RSPH14: variants seen among roughly 807,000 people sequenced by gnomAD.
RSPH14 encodes radial spoke head 14 homolog.
Under a neutral mutation model 26.7 loss-of-function variants are expected in RSPH14, and 20 were observed. That is an observed-to-expected ratio of 0.75 (90% CI 0.53 to 1.09). The LOEUF (loss-of-function observed/expected upper bound fraction) is 1.09, where lower values mean the gene tolerates loss of function less well. Ranked by LOEUF, RSPH14 falls within the 50% of genes least tolerant of loss-of-function variation. RSPH14 has a pLI of 0.00. For synonymous variants in RSPH14, 177 were observed against 189.3 expected, an observed-to-expected ratio of 0.93 and a Z score of 0.53; for missense variants, 449 against 457.2, an observed-to-expected ratio of 0.98 and a Z score of 0.16.
chr22:23,059,600 G>C lies in RSPH14; in HGVS notation c.909C>G (p.Pro303=). 6.2e-7 allele frequency: 1 copy of C among 1,613,562 alleles called. No individual in the cohort carries two copies. The highest frequency in any genetic ancestry group is 8.5e-7 in the Non-Finnish European group (1 of 1,179,772). ...GCGTCTGCAGGGCCTTGCGGCCCTC[G>C]GGGGCCTCTGCCAGCATGGTAAGGG... ...TKALTMLAEA[P]EGRKALQTHV... The change falls in exon 7 of 7, where the codon CCC becomes CCG. Residue 303 remains proline (P), a synonymous_variant. Transcript: ENST00000216036.
At chr22:23,166,872 G>A in the RSPH14 span, among the ~76,000 whole-genome samples, 2 of 152,168 alleles carry the variant, frequency 1.3e-5, no homozygotes, top group African/African-American at 4.8e-5. Context: ...AAGTCATCCA[G>A]GAGTGGGGTG....
the RSPH14 span, among the ~76,000 whole-genome samples, chr22:23,157,291 C>T: frequency 6.6e-6 from 1 of 151,638 alleles, no homozygotes; most frequent in African/African-American, 2.4e-5. Flanking sequence ...CGCTTTGTAG[C>T]CCAAACTGGA....
intron 4 of RSPH14, among the ~76,000 whole-genome samples, chr22:23,084,480 A>G (rs2068763557): frequency 6.6e-6 from 1 of 152,208 alleles, no homozygotes; most frequent in Non-Finnish European, 1.5e-5. Context: ...TTATCAGGAC[A>G]TAACCCCATC....
At chr22:23,111,759 TGGGCAAGCGGCCAGGCTCCACA>T (rs761817019) in intron 4 of RSPH14, among the ~76,000 whole-genome samples, 1 of 152,162 alleles carries the variant, frequency 6.6e-6, no homozygotes, top group Non-Finnish European at 1.5e-5. Flanking sequence ...AGCAGGGTCG[TGGGCAAGCGGCCAGGCTCCACA>T]GGGCAAGCCC....
At chr22:23,084,236 G>A (rs1427937885) in intron 4 of RSPH14, among the ~76,000 whole-genome samples, 1 of 152,132 alleles carries the variant, frequency 6.6e-6, no homozygotes, top group African/African-American at 2.4e-5. Context: ...TTCAGGTTAT[G>A]GTGCAAAAGC....
At chr22:23,069,319 G>A (rs2068283042) in intron 4 of RSPH14, among the ~76,000 whole-genome samples, 1 of 152,206 alleles carries the variant, frequency 6.6e-6, no homozygotes, top group Non-Finnish European at 1.5e-5. Context: ...GAAGGCATTT[G>A]CACTTTGTCA....
In RSPH14 at chr22:23,064,028, AC is replaced by A. The variant is rs752099109; in HGVS notation, c.526del (p.Val176SerfsTer20). The A allele has an allele frequency of 6.2e-7, 1 of 1,614,104 alleles. No homozygotes were observed. Among genetic ancestry groups the A allele is most frequent in the South Asian group, 1.1e-5 (1 of 91,072 alleles). On this transcript the variant is annotated frameshift_variant, in exon 5 of 7. Transcript: ENST00000216036. LOFTEE classifies it high-confidence loss of function. ...EFQEFILDTL[V>X]LCLQEDATEA... is the part of the protein sequence containing the mutation. ...GGTGGCATCCTCCTGCAGGCAGAGG[AC>A]CAGTGTGTCCAGGATGAACTCCTGG...
intron 3 of RSPH14, chr22:23,136,072 A>T (rs2070476353): frequency 1.6e-5 from 7 of 432,474 alleles, no homozygotes; most frequent in Admixed American, 4.3e-5. Context: ...TTGGACACAC[A>T]AGTTGCAGGG....
intron 4 of RSPH14, among the ~76,000 whole-genome samples, chr22:23,126,200 T>C (rs949012997): frequency 2.0e-5 from 3 of 152,198 alleles, no homozygotes; most frequent in African/African-American, 7.2e-5. Context: ...GAGAAAGGGA[T>C]TGAGCCTCCC....
At chr22:23,152,895 C>T in the RSPH14 span, 9 of 677,192 alleles carry the variant, frequency 1.3e-5, no homozygotes, top group Non-Finnish European at 2.1e-5. Context: ...CTGCCCTGCC[C>T]ACCCATGGCC....
the RSPH14 span, chr22:23,156,176 G>C: frequency 3.8e-6 from 2 of 533,034 alleles, no homozygotes; most frequent in Non-Finnish European, 6.4e-6. Context: ...GCCACTGCTT[G>C]GGAACAGGGA....
chr22:23,096,355 A>G (rs763219933), intron 4 of RSPH14: 1 of 1,613,578 alleles, frequency 6.2e-7, no homozygotes, highest in Non-Finnish European at 8.5e-7. Flanking sequence ...AGGGCGTCAC[A>G]GCCATCATCT....
intron 4 of RSPH14, chr22:23,123,464 G>T: frequency 7.0e-7 from 1 of 1,437,576 alleles, no homozygotes; most frequent in Non-Finnish European, 9.7e-7. Flanking sequence ...TGCCTATGGT[G>T]AAACCCACGG....
At chr22:23,165,500 C>T in the RSPH14 span, among the ~76,000 whole-genome samples, 299 of 152,332 alleles carry the variant, frequency 2.0e-3, 2 homozygotes, top group African/African-American at 6.9e-3. Flanking sequence ...CAGGGCAGAA[C>T]TGAACAGGTC....
At chr22:23,064,865 C>G (rs2068171364) in intron 4 of RSPH14, among the ~76,000 whole-genome samples, 1 of 152,174 alleles carries the variant, frequency 6.6e-6, no homozygotes. Flanking sequence ...CCCTTCCCTC[C>G]TGAGGAATGT....
At chr22:23,088,312 G>A (rs914287755) in intron 4 of RSPH14, among the ~76,000 whole-genome samples, 3 of 152,118 alleles carry the variant, frequency 2.0e-5, no homozygotes, top group African/African-American at 7.2e-5. Flanking sequence ...CTGGCTTGGG[G>A]TTGGAGCCTT....
At chr22:23,089,534 G>C (rs1251303293) in intron 4 of RSPH14, among the ~76,000 whole-genome samples, 8 of 152,152 alleles carry the variant, frequency 5.3e-5, no homozygotes, top group Non-Finnish European at 1.0e-4. Flanking sequence ...AGGATGCAAA[G>C]GTCCCAAGAG....
intron 4 of RSPH14, among the ~76,000 whole-genome samples, chr22:23,119,944 G>A (rs972170760): frequency 2.6e-5 from 4 of 152,176 alleles, no homozygotes; most frequent in African/African-American, 9.7e-5. Context: ...AAGGAATAGA[G>A]GAAACCAGGA....
At chr22:23,158,722 C>T in the RSPH14 span, among the ~76,000 whole-genome samples, 1 of 152,198 alleles carries the variant, frequency 6.6e-6, no homozygotes, top group Non-Finnish European at 1.5e-5. Flanking sequence ...TTGGGTCCAG[C>T]CAACGCCCTT....
Sources: allele counts gnomAD v4.1 joint callset (sites outside exome capture counted in the v4.1 genomes callset), GRCh38; gene constraint gnomAD v4.1.1; transcripts MANE v1.5; gene names NCBI Gene and HGNC (gene_info 2026-07-23, HGNC 2026-07-21).